ADAMTSL1: variants seen among roughly 807,000 people sequenced by gnomAD.
The protein encoded by ADAMTSL1 is ADAMTS like 1, also known as ADAMTS-like protein 1.
In ADAMTSL1, 126 loss-of-function variants were observed where a neutral mutation model predicts 201.8. The observed-to-expected ratio is 0.62, with a 90% CI of 0.54 to 0.72. The LOEUF (loss-of-function observed/expected upper bound fraction) is 0.72. Among genes scored for constraint, ADAMTSL1 ranks in the 30% least tolerant of loss-of-function variants. The probability of loss-of-function intolerance (pLI) is 0.00; values close to 1 mark genes in which losing one functional copy is unlikely to be tolerated. For synonymous variants in ADAMTSL1, 1,121 were observed against 903.4 expected (o/e 1.24, Z -4.32); for missense variants, 2,679 against 2,277.8 (o/e 1.18, Z -3.59).
chr9:18,622,766 G>C (rs1265896726), intron 5 of ADAMTSL1: 2 of 350,664 alleles, frequency 5.7e-6, no homozygotes, highest in African/African-American at 4.2e-5. Context: ...TCACTGTGAA[G>C]TCACATGGCC....
Position 18,639,430 on chromosome 9 carries a change from C to T in ADAMTSL1, c.834+19C>T, listed in dbSNP as rs376901540. On this transcript the variant is annotated intron_variant, in intron 7 of 28. Transcript: ENST00000380548. Reference sequence around the variant, plus strand: ...TGTCAAGGTGAGCCCTATTTAGATACCTCCTTTTCAAGCCACATCCCAAAT... The same window carrying T: ...TGTCAAGGTGAGCCCTATTTAGATATCTCCTTTTCAAGCCACATCCCAAAT... 45 of 1,603,076 alleles carry T rather than the reference C, an allele frequency of 2.8e-5. No individual in the cohort carries two copies. The highest frequency in any genetic ancestry group is 4.0e-5 in the African/African-American group (3 of 74,370).
In ADAMTSL1 at chr9:18,622,334, G is replaced by T. The variant is rs757020927; in HGVS notation, c.566G>T (p.Arg189Leu). Reference protein sequence around the residue: ...NGDGSTCRLVRGQYKSQLSAT... With the variant: ...NGDGSTCRLVLGQYKSQLSAT... ...GATGGGTCCACCTGCCGGCTGGTCC[G>T]AGGGCAGTATAAATCCCAGCTCTCC... Residue 189 changes from arginine to leucine, a missense_variant, in exon 5 of 29, where the codon CGA becomes CTA. Coordinates refer to ENST00000380548, the MANE Select transcript of ADAMTSL1 (RefSeq NM_001040272.6). The T allele has an allele frequency of 3.1e-6, 5 of 1,613,924 alleles. No homozygotes were observed. Among genetic ancestry groups the T allele is most frequent in the Non-Finnish European group, 4.2e-6 (5 of 1,179,974 alleles).
intron 23 of ADAMTSL1, among the ~76,000 whole-genome samples, chr9:18,864,225 C>A (rs1367540744): frequency 6.6e-6 from 1 of 152,158 alleles, no homozygotes; most frequent in Non-Finnish European, 1.5e-5. Flanking sequence ...ACAGCTTTTA[C>A]TCTGTGCAAT....
In ADAMTSL1 at chr9:18,908,688, C is replaced by T. The variant is rs937101516; in HGVS notation, c.*140C>T. 3.1e-6 allele frequency: 2 copies of T among 649,992 alleles called. No homozygotes were observed. Among genetic ancestry groups the T allele is most frequent in the Non-Finnish European group, 5.2e-6 (2 of 381,336 alleles). The allele number at this position is 649,992 out of a possible 1,614,324, so 40.3% of individuals were successfully genotyped here. The stretch of plus-strand genomic sequence containing the variant: ...CACACACCCTTCCAACCTCCTCCAC[C>T]TCCACCTTCAAGCATAAGGACGTCC... On this transcript the variant is annotated 3_prime_UTR_variant, in exon 29 of 29. Coordinates refer to ENST00000380548, the MANE Select transcript of ADAMTSL1 (RefSeq NM_001040272.6).
intron 21 of ADAMTSL1, among the ~76,000 whole-genome samples, chr9:18,824,690 CT>C (rs34551511): frequency 3.3e-4 from 25 of 75,738 alleles, no homozygotes; most frequent in Admixed American, 1.2e-3. Context: ...GGACTTGACC[CT>C]TTTTTTTTTT....
chr9:18,528,729 T>C (rs1229009819), intron 2 of ADAMTSL1, among the ~76,000 whole-genome samples: 1 of 152,228 alleles, frequency 6.6e-6, no homozygotes, highest in African/African-American at 2.4e-5. Flanking sequence ...TGTTCTTTCA[T>C]ACTTGACCCA....
chr9:18,682,191 G>A (rs896561976), intron 12 of ADAMTSL1, among the ~76,000 whole-genome samples: 2 of 152,112 alleles, frequency 1.3e-5, no homozygotes, highest in African/African-American at 2.4e-5. Flanking sequence ...TATCTCCCAA[G>A]TCATAAAGTT....
intron 15 of ADAMTSL1, among the ~76,000 whole-genome samples, chr9:18,747,860 C>T (rs1356346034): frequency 6.6e-6 from 1 of 152,094 alleles, no homozygotes; most frequent in South Asian, 2.1e-4. Flanking sequence ...AGAACTCCAG[C>T]ACTGTCCGGG....
chr9:18,071,308 T>G (rs1231521977), intron 1 of ADAMTSL1, among the ~76,000 whole-genome samples: 1 of 152,102 alleles, frequency 6.6e-6, no homozygotes, highest in Non-Finnish European at 1.5e-5. Context: ...TCTATGGGAG[T>G]GCTTTAGAAT....
At chr9:18,000,129 A>G (rs959224347) in intron 1 of ADAMTSL1, among the ~76,000 whole-genome samples, 12 of 150,620 alleles carry the variant, frequency 8.0e-5, no homozygotes, top group African/African-American at 2.7e-4. Flanking sequence ...CAGTAATGGG[A>G]TGGCTGGGTC....
chr9:18,577,531 C>T (rs1177036366), intron 4 of ADAMTSL1, among the ~76,000 whole-genome samples: 1 of 152,102 alleles, frequency 6.6e-6, no homozygotes, highest in African/African-American at 2.4e-5. Flanking sequence ...TCCTCTTTAA[C>T]GAGCTGTGTA....
rs1437689071 is a variant in ADAMTSL1 at position 18,826,344 on chromosome 9, ATCTGCACGAAGGC to A, written c.3998_4010del (p.Leu1333ProfsTer26). ...AAAAGCAAACTGGGCTCCCCGCACCATCTGCACGAAGGCTCCTTGCTGCTCACAAACGTGTCCT... is the reference window on the plus strand; with the variant it reads ...AAAAGCAAACTGGGCTCCCCGCACCATCCTTGCTGCTCACAAACGTGTCCT... On this transcript the variant is annotated frameshift_variant, in exon 22 of 29. Coordinates refer to ENST00000380548, the MANE Select transcript of ADAMTSL1 (RefSeq NM_001040272.6). LOFTEE classifies it high-confidence loss of function. 4 of 1,613,428 alleles carry A rather than the reference ATCTGCACGAAGGC, an allele frequency of 2.5e-6. No homozygotes were observed. The highest frequency in any genetic ancestry group is 3.4e-6 in the Non-Finnish European group (4 of 1,179,790).
chr9:18,471,235 T>C (rs79613627), upstream of ADAMTSL1, among the ~76,000 whole-genome samples: 1 of 152,256 alleles, frequency 6.6e-6, no homozygotes, highest in East Asian at 1.9e-4. Flanking sequence ...TTCAACAACA[T>C]CACTGCCAAC....
intron 23 of ADAMTSL1, among the ~76,000 whole-genome samples, chr9:18,846,728 T>C (rs1826142453): frequency 6.6e-6 from 1 of 152,118 alleles, no homozygotes; most frequent in Admixed American, 6.5e-5. Context: ...TAACCATAGA[T>C]TACTGTGGCA....
chr9:18,887,948 T>C lies in ADAMTSL1; in HGVS notation c.4367T>C (p.Val1456Ala). 1.2e-6 allele frequency: 2 copies of C among 1,613,974 alleles called. No homozygotes were observed. Among genetic ancestry groups the C allele is most frequent in the South Asian group, 2.2e-5 (2 of 91,058 alleles). ...TTGGCAGCTGGACAGATCCTTCAAG[T>C]TGCAAACCTTAGCGGTGGGTCTCAA... ...HILAAGQILQVANLSGGSQGE... is the reference protein window; with the variant it reads ...HILAAGQILQAANLSGGSQGE... Residue 1456 changes from valine to alanine, a missense_variant, in exon 24 of 29, where the codon GTT becomes GCT. Coordinates refer to ENST00000380548, the MANE Select transcript of ADAMTSL1 (RefSeq NM_001040272.6).
chr9:18,427,852 A>T (rs1047318045), intron 2 of ADAMTSL1, among the ~76,000 whole-genome samples: 1 of 152,230 alleles, frequency 6.6e-6, no homozygotes, highest in African/African-American at 2.4e-5. Flanking sequence ...AGATGATGAG[A>T]CTGCTCAGTT....
intron 2 of ADAMTSL1, among the ~76,000 whole-genome samples, chr9:18,444,173 T>G (rs1194447561): frequency 6.6e-6 from 1 of 152,154 alleles, no homozygotes; most frequent in African/African-American, 2.4e-5. Context: ...TTTTAGAGAA[T>G]TCTTAGAATC....
At chr9:18,136,912 G>A (rs977631815) in intron 1 of ADAMTSL1, among the ~76,000 whole-genome samples, 2 of 152,134 alleles carry the variant, frequency 1.3e-5, no homozygotes, top group Non-Finnish European at 2.9e-5. Flanking sequence ...AGGCAAAATT[G>A]TAAGGAGGGT....
chr9:18,788,691 A>G (rs542058708), intron 19 of ADAMTSL1, among the ~76,000 whole-genome samples: 27 of 152,326 alleles, frequency 1.8e-4, no homozygotes, highest in African/African-American at 5.3e-4. Context: ...GGAATCCCTA[A>G]GCAGAAAAAT....
Sources: allele counts gnomAD v4.1 joint callset (sites outside exome capture counted in the v4.1 genomes callset), GRCh38; gene constraint gnomAD v4.1.1; transcripts MANE v1.5; gene names NCBI Gene and HGNC (gene_info 2026-07-23, HGNC 2026-07-21).